Variants in DNAH12 observed in about 807,000 individuals in gnomAD.
DNAH12 encodes axonemal beta dynein heavy chain 12.
DNAH12 carries 285 observed loss-of-function variants against 371.5 expected under a neutral mutation model. That is an observed-to-expected ratio of 0.77 (90% CI 0.70 to 0.85). The LOEUF (loss-of-function observed/expected upper bound fraction) is 0.85, where lower values mean the gene tolerates loss of function less well. Ranked by LOEUF, DNAH12 falls within the 40% of genes least tolerant of loss-of-function variation. DNAH12 has a pLI of 0.00. For missense variants in DNAH12, 3,611 were observed against 3,689.4 expected, an observed-to-expected ratio of 0.98 and a Z score of 0.55; for synonymous variants, 1,200 against 1,213.0, an observed-to-expected ratio of 0.99 and a Z score of 0.22.
In DNAH12 at chr3:57,309,664, ACCTT is replaced by A. The variant is rs1162759025; in HGVS notation, c.11083_11085+1del. The A allele has an allele frequency of 1.3e-6, 2 of 1,505,990 alleles. No individual in the cohort carries two copies. The highest frequency in any genetic ancestry group is 2.8e-5 in the African/African-American group (2 of 70,748). 93.3% of individuals were successfully genotyped at this position (1,505,990 alleles called of 1,614,324 possible). On this transcript the variant is annotated splice_donor_variant and coding_sequence_variant, in exon 68 of 74. Transcript: ENST00000495027. LOFTEE classifies it high-confidence loss of function. ...AGTAACATATTTTAAGCTGAACATT[ACCTT>A]GTTGAGGATATCTTTGGTAATTTCT...
At chr3:57,294,207 C>A (rs1007251199) in intron 73 of DNAH12, among the ~76,000 whole-genome samples, 2 of 137,630 alleles carry the variant, frequency 1.5e-5, no homozygotes, top group African/African-American at 5.5e-5. Flanking sequence ...GACTGAGTCT[C>A]ACTCTGTCAC....
At chr3:57,519,996 T>C in intron 4 of DNAH12, 1 of 793,496 alleles carries the variant, frequency 1.3e-6, no homozygotes, top group Non-Finnish European at 2.2e-6. Flanking sequence ...CCTCGCCGTC[T>C]TCCACGTCGG....
chr3:57,328,593 C>T (rs1321542473), intron 62 of DNAH12, among the ~76,000 whole-genome samples: 1 of 151,726 alleles, frequency 6.6e-6, no homozygotes, highest in African/African-American at 2.4e-5. Context: ...GACAAACCCA[C>T]AGCCAATATC....
chr3:57,432,040 C>G (rs1027668994), intron 32 of DNAH12, among the ~76,000 whole-genome samples: 1 of 152,100 alleles, frequency 6.6e-6, no homozygotes, highest in African/African-American at 2.4e-5. Flanking sequence ...AGACTTCACT[C>G]TACAATTAGA....
intron 2 of DNAH12, among the ~76,000 whole-genome samples, chr3:57,529,100 G>A (rs1248626524): frequency 2.0e-5 from 3 of 152,078 alleles, no homozygotes; most frequent in African/African-American, 7.2e-5. Context: ...GCGCCTGGCC[G>A]ATGAATGACC....
intron 37 of DNAH12, among the ~76,000 whole-genome samples, chr3:57,416,670 A>G (rs2153358269): frequency 6.6e-6 from 1 of 152,268 alleles, no homozygotes; most frequent in African/African-American, 2.4e-5. Context: ...AGTCAATTCT[A>G]AAGCTAACAG....
intron 13 of DNAH12, 30 bp from the exon 14 acceptor site, chr3:57,472,701 C>A (rs985071600): frequency 2.0e-6 from 3 of 1,533,520 alleles, no homozygotes; most frequent in Non-Finnish European, 2.6e-6. Context: ...TATAATATGT[C>A]ATATAGAAAA....
At chr3:57,487,312 A>AAGG (rs2066954579) in intron 12 of DNAH12, among the ~76,000 whole-genome samples, 1 of 52,380 alleles carries the variant, frequency 1.9e-5, no homozygotes, top group African/African-American at 7.0e-5. Flanking sequence ...AGGAAGGGAG[A>AAGG]GAGAGAGAGA....
At chr3:57,425,192 A>T in intron 34 of DNAH12, 51 bp from the exon 35 acceptor site, 1 of 673,960 alleles carries the variant, frequency 1.5e-6, no homozygotes, top group Non-Finnish European at 2.7e-6. Flanking sequence ...TATTTAGAAA[A>T]TAAGAAAAAC....
intron 9 of DNAH12, 42 bp from the exon 10 acceptor site, chr3:57,502,521 C>G: frequency 1.9e-6 from 3 of 1,553,112 alleles, no homozygotes; most frequent in Middle Eastern, 1.7e-4. Flanking sequence ...CAATAAATAT[C>G]TAACTGTATA....
chr3:57,396,398 A>AT (rs1263549371), intron 43 of DNAH12, among the ~76,000 whole-genome samples: 47,036 of 149,156 alleles, frequency 0.32, 7,996 homozygotes, highest in South Asian at 0.44. Flanking sequence ...CATCATCGTG[A>AT]TTTTTTTTTT....
chr3:57,553,244 T>C, the DNAH12 span, among the ~76,000 whole-genome samples: 3 of 152,128 alleles, frequency 2.0e-5, no homozygotes, highest in African/African-American at 7.2e-5. Flanking sequence ...GCCAGTCTCA[T>C]CTTAACCAAG....
At position 57,457,694 on chromosome 3, in the gene DNAH12, G is replaced by A. The variant is rs1474027488; in HGVS notation, c.3336+27C>T. ...AAACAAAGCATTTGCAGAATATAGGGTATATATCAAATCCTAGGAAACACA... is the reference window on the plus strand; with the variant it reads ...AAACAAAGCATTTGCAGAATATAGGATATATATCAAATCCTAGGAAACACA... On this transcript the variant is annotated intron_variant, in intron 22 of 73. Transcript: ENST00000495027. 3 of 1,540,846 alleles carry A rather than the reference G, an allele frequency of 1.9e-6. No individual in the cohort carries two copies. The African/African-American group carries it at 4.1e-5, about 21-fold the overall frequency.
At chr3:57,302,529 G>GTTTTTATA (rs879293648) in intron 69 of DNAH12, among the ~76,000 whole-genome samples, 16 of 47,856 alleles carry the variant, frequency 3.3e-4, no homozygotes, top group African/African-American at 1.0e-3. Context: ...GGCATCAGGT[G>GTTTTTATA]TATATATATA....
chr3:57,309,613 T>C, intron 68 of DNAH12, 53 bp downstream of exon 68: 6 of 1,372,200 alleles, frequency 4.4e-6, no homozygotes, highest in Non-Finnish European at 5.7e-6. Context: ...GATTGTCATT[T>C]CAGTATCATT....
chr3:57,447,419 G>T (rs971314887), intron 25 of DNAH12, among the ~76,000 whole-genome samples: 8 of 152,086 alleles, frequency 5.3e-5, no homozygotes, highest in South Asian at 2.1e-4. Context: ...TTTCACGGGA[G>T]TTTCAAATTT....
chr3:57,366,261 C>A (rs1353116809), intron 57 of DNAH12, among the ~76,000 whole-genome samples: 4 of 152,162 alleles, frequency 2.6e-5, no homozygotes, highest in Admixed American at 6.6e-5. Flanking sequence ...CAAAAAGTTA[C>A]CCTCTATGGT....
In DNAH12 at chr3:57,446,234, A is replaced by G. The variant is rs1456491927; in HGVS notation, c.3976T>C (p.Cys1326Arg). ...TCAATTCGATTGAATTCATCAAAGC[A>G]AGCCCAAGCACCAGAAGAAGCCAGT... ...KGLASSGAWA[C>R]FDEFNRIELE... The change falls in exon 27 of 74, where the codon TGC (cysteine) becomes CGC (arginine). Residue 1326 changes from cysteine (C) to arginine (R), a missense_variant. By Grantham distance (180) the Cys-to-Arg change is radical. Transcript: ENST00000495027. 1.9e-6 allele frequency: 3 copies of G among 1,551,900 alleles called. No individual in the cohort carries two copies. The African/African-American group carries it at 4.1e-5, about 21-fold the overall frequency.
intron 15 of DNAH12, 85 bp downstream of exon 15, chr3:57,471,387 T>G: frequency 1.6e-6 from 2 of 1,266,822 alleles, no homozygotes; most frequent in Non-Finnish European, 1.0e-6. Context: ...GTAAACATAT[T>G]TTTCTATACT....
Sources: gnomAD v4.1 joint callset for allele counts (sites outside exome capture counted in the v4.1 genomes callset) on GRCh38, gnomAD v4.1.1 for gene constraint, MANE v1.5 for transcripts, NCBI Gene and HGNC (gene_info 2026-07-23, HGNC 2026-07-21) for gene names.